Variants in TFR2 observed in about 807,000 individuals in gnomAD.
The protein encoded by TFR2 is transferrin receptor 2.
TFR2 carries 64 observed loss-of-function variants against 91.9 expected under a neutral mutation model. The ratio of observed to expected loss-of-function variants is 0.70; its 90% CI spans 0.57 to 0.86. The LOEUF is 0.86. Among genes scored for constraint, TFR2 ranks in the 40% least tolerant of loss-of-function variants. The pLI, the probability that TFR2 is intolerant of heterozygous loss-of-function variation, is 0.00. For synonymous variants in TFR2, 454 were observed against 459.6 expected (o/e 0.99, Z 0.15); for missense variants, 950 against 1,080.5 (o/e 0.88, Z 1.69).
chr7:100,629,467 C>G, intron 9 of TFR2, 95 bp from the exon 10 acceptor site: 5 of 1,593,232 alleles, frequency 3.1e-6, no homozygotes, highest in Non-Finnish European at 4.3e-6. Flanking sequence ...CATCACAATT[C>G]CGGCAACCCT....
At chr7:100,631,699 T>C in intron 8 of TFR2, 107 bp downstream of exon 8, 1 of 1,494,574 alleles carries the variant, frequency 6.7e-7, no homozygotes. Context: ...CACTGCAGGC[T>C]TAAACAAGAG....
intron 17 of TFR2, among the ~76,000 whole-genome samples, chr7:100,623,409 G>A (rs1355289014): frequency 6.6e-6 from 1 of 152,084 alleles, no homozygotes; most frequent in Admixed American, 6.6e-5. Flanking sequence ...CATCGGTCCA[G>A]TCCCCACCTA....
chr7:100,624,126 CCTCT>C (rs2131307564), intron 17 of TFR2, among the ~76,000 whole-genome samples: 1 of 152,078 alleles, frequency 6.6e-6, no homozygotes, highest in East Asian at 1.9e-4. Context: ...TGCTCAAAAA[CCTCT>C]CTAATTTCCT....
At chr7:100,622,633 T>G (rs1803140362) in intron 17 of TFR2, among the ~76,000 whole-genome samples, 1 of 152,162 alleles carries the variant, frequency 6.6e-6, no homozygotes, top group African/African-American at 2.4e-5. Context: ...GCAAATGAAA[T>G]AAATCCTCTA....
chr7:100,622,984 A>G (rs888838201), intron 17 of TFR2, among the ~76,000 whole-genome samples: 9 of 146,822 alleles, frequency 6.1e-5, no homozygotes, highest in African/African-American at 2.3e-4. Flanking sequence ...ACAAACAAAC[A>G]AACAAACAGG....
chr7:100,636,826 G>A (rs780087539), intron 3 of TFR2, among the ~76,000 whole-genome samples: 2 of 151,290 alleles, frequency 1.3e-5, no homozygotes, highest in African/African-American at 2.4e-5. Flanking sequence ...ATGCAATGGC[G>A]CGATCTCGGC....
rs368298121 is a variant in TFR2, at chr7:100,629,314, G to A, written c.1329C>T (p.Ser443=). 1.2e-5 allele frequency: 20 copies of A among 1,614,012 alleles called. No individual in the cohort carries two copies. Among genetic ancestry groups the A allele is most frequent in the Non-Finnish European group, 1.5e-5 (18 of 1,179,988 alleles). Residue 443 remains serine (S), a synonymous_variant, in exon 10 of 18, where the codon TCC becomes TCT. Transcript: ENST00000223051. The stretch of plus-strand genomic sequence containing the variant: ...CCAGGAGTATAGCCGTCCCCACAGC[G>A]GATTTAGCTGCTCCTGGGCCCCATG... ...RDAWGPGAAK[S]AVGTAILLEL...
intron 17 of TFR2, among the ~76,000 whole-genome samples, chr7:100,621,920 G>A (rs1313421148): frequency 2.6e-5 from 4 of 152,004 alleles, no homozygotes; most frequent in Non-Finnish European, 4.4e-5. Flanking sequence ...GCTTCCACCC[G>A]TGGGCAGGTC....
At position 100,626,777 on chromosome 7, in the gene TFR2, C is replaced by T. The variant is rs1389052047; in HGVS notation, c.2122G>A (p.Val708Met). Residue 708 changes from valine (V) to methionine (M), a missense_variant, in exon 17 of 18, where the codon GTG (valine) becomes ATG (methionine). By Grantham distance (21) the Val-to-Met change is conservative. Transcript: ENST00000223051. ...RDERLTRMYN[V>M]RIMRVEFYFL... Reference sequence around the variant, plus strand: ...CGGGGCCTCACCCGCATTATGCGCACGTTGTACATGCGTGTCAGTCGCTCG... The same window carrying T: ...CGGGGCCTCACCCGCATTATGCGCATGTTGTACATGCGTGTCAGTCGCTCG... 4 of 1,546,518 alleles carry T rather than the reference C, an allele frequency of 2.6e-6. No homozygotes were observed. Among genetic ancestry groups the T allele is most frequent in the South Asian group, 2.4e-5 (2 of 84,022 alleles).
intron 17 of TFR2, among the ~76,000 whole-genome samples, chr7:100,623,003 A>G (rs1356831898): frequency 1.4e-5 from 2 of 146,942 alleles, no homozygotes; most frequent in Non-Finnish European, 3.0e-5. Context: ...GGCCGGGCAC[A>G]GTGGCTGATG....
At chr7:100,621,857 G>A (rs1803121914) in intron 17 of TFR2, among the ~76,000 whole-genome samples, 2 of 152,086 alleles carry the variant, frequency 1.3e-5, no homozygotes, top group South Asian at 4.1e-4. Flanking sequence ...CCTCCTTTCT[G>A]CCAGCCTCTC....
intron 3 of TFR2, among the ~76,000 whole-genome samples, chr7:100,637,600 A>G (rs901601109): frequency 6.6e-6 from 1 of 151,492 alleles, no homozygotes; most frequent in Admixed American, 6.6e-5. Flanking sequence ...TTGCAAATAT[A>G]TAAAAATAAA....
At chr7:100,630,779 C>T in intron 9 of TFR2, 110 bp downstream of exon 9, 1 of 1,496,786 alleles carries the variant, frequency 6.7e-7, no homozygotes, top group Non-Finnish European at 9.2e-7. Flanking sequence ...GGCACCACTC[C>T]TGTCCCCTCT....
intron 10 of TFR2, 81 bp from the exon 11 acceptor site, chr7:100,628,387 C>A: frequency 7.2e-7 from 1 of 1,380,710 alleles, no homozygotes; most frequent in East Asian, 2.4e-5. Context: ...TCCTGGTCCC[C>A]CAGGGTCTCT....
Position 100,628,264 on chromosome 7 carries a change from C to G in TFR2, c.1433G>C (p.Gly478Ala), listed in dbSNP as rs748905972. 1 of 1,613,964 alleles carries G rather than the reference C, an allele frequency of 6.2e-7. No homozygotes were observed. The highest frequency in any genetic ancestry group is 2.2e-5 in the East Asian group (1 of 44,856). Reference protein sequence around the residue: ...RRSLLFISWDGGDFGSVGSTE... With the variant: ...RRSLLFISWDAGDFGSVGSTE... Reference sequence around the variant, plus strand: ...GGAGCCCACGCTTCCAAAGTCACCACCGTCCCAGCTGATGAAGAGGAGACT... The same window carrying G: ...GGAGCCCACGCTTCCAAAGTCACCAGCGTCCCAGCTGATGAAGAGGAGACT... Residue 478 changes from glycine (G) to alanine (A), a missense_variant, in exon 11 of 18, where the codon GGT (glycine) becomes GCT (alanine). Gly to Ala is a moderately conservative substitution (Grantham distance 60). Coordinates refer to ENST00000223051, the MANE Select transcript of TFR2 (RefSeq NM_003227.4).
Position 100,641,045 on chromosome 7 carries a change from G to A in TFR2, c.217C>T (p.Pro73Ser), listed in dbSNP as rs1258949801. 1 of 1,602,844 alleles carries A rather than the reference G, an allele frequency of 6.2e-7. No homozygotes were observed. The highest frequency in any genetic ancestry group is 8.5e-7 in the Non-Finnish European group (1 of 1,173,664). ...GSRPRQPNLIPWAAAGRRAAP... is the reference protein window; with the variant it reads ...GSRPRQPNLISWAAAGRRAAP... ...GCCCTCCGTCCTGCTGCCGCCCAGGGAATGAGGTTTGGCTGCCTGGGTCTA... is the reference window on the plus strand; with the variant it reads ...GCCCTCCGTCCTGCTGCCGCCCAGGAAATGAGGTTTGGCTGCCTGGGTCTA... The change falls in exon 2 of 18, where the codon CCC (proline) becomes TCC (serine). Residue 73 changes from proline to serine, a missense_variant. By Grantham distance (74) the Pro-to-Ser change is moderately conservative. Transcript: ENST00000223051.
Position 100,627,920 on chromosome 7 carries a change from C to G in TFR2, c.1592G>C (p.Ser531Thr). The part of the protein sequence containing the change: ...TSPLLTSLIE[S>T]VLKQVDSPNH... ...GGGTGCTCTTGCCTGCTTCAGGACA[C>G]TCTCAATGAGACTTGTCAGAAGGGG... The change falls in exon 13 of 18, where the codon AGT becomes ACT. Residue 531 changes from serine to threonine, a missense_variant. By Grantham distance (58) the Ser-to-Thr change is moderately conservative. Transcript: ENST00000223051. 4 of 1,614,068 alleles carry G rather than the reference C, an allele frequency of 2.5e-6. No individual in the cohort carries two copies. The highest frequency in any genetic ancestry group is 3.4e-6 in the Non-Finnish European group (4 of 1,179,982).
At chr7:100,621,653 A>G (rs1056989333) in intron 17 of TFR2, among the ~76,000 whole-genome samples, 6 of 152,076 alleles carry the variant, frequency 3.9e-5, no homozygotes, top group Non-Finnish European at 8.8e-5. Context: ...AGAACAATCT[A>G]TCGCCCTGCT....
At position 100,620,739 on chromosome 7, in the gene TFR2, G is replaced by A; in HGVS notation, c.*118C>T. The A allele has an allele frequency of 7.0e-7, 1 of 1,426,306 alleles. No individual in the cohort carries two copies. The highest frequency in any genetic ancestry group is 9.7e-7 in the Non-Finnish European group (1 of 1,029,336). 88.4% of individuals were successfully genotyped at this position (1,426,306 alleles called of 1,614,324 possible). A position where few individuals can be genotyped will look rare whatever the true frequency, so the allele number is the denominator to read the frequency against. ...CCGTGGAGAGATGTGTAGGGGTAATGAGAAATTGATCAGCAATGAGAGGTG... is the reference window on the plus strand; with the variant it reads ...CCGTGGAGAGATGTGTAGGGGTAATAAGAAATTGATCAGCAATGAGAGGTG... On this transcript the variant is annotated 3_prime_UTR_variant, in exon 18 of 18. Coordinates refer to ENST00000223051, the MANE Select transcript of TFR2 (RefSeq NM_003227.4).
Sources: allele counts gnomAD v4.1 joint callset (sites outside exome capture counted in the v4.1 genomes callset), GRCh38; gene constraint gnomAD v4.1.1; transcripts MANE v1.5; gene names NCBI Gene and HGNC (gene_info 2026-07-23, HGNC 2026-07-21).